The following AOAH variants were observed in gnomAD, a reference collection of about 807,000 sequenced individuals.
AOAH encodes acyloxyacyl hydrolase (neutrophil).
Under a neutral mutation model 92.2 loss-of-function variants are expected in AOAH, and 64 were observed. The observed-to-expected ratio is 0.69, with a 90% confidence interval of 0.57 to 0.86. AOAH has a LOEUF of 0.86. Among genes scored for constraint, AOAH ranks in the 40% least tolerant of loss-of-function variants. The pLI, the probability that AOAH is intolerant of heterozygous loss-of-function variation, is 0.00. For synonymous variants in AOAH, 263 were observed against 254.5 expected (o/e 1.03, Z -0.32); for missense variants, 656 against 694.6 (o/e 0.94, Z 0.62).
chr7:36,714,419 T>C (rs1798987644), intron 1 of AOAH, among the ~76,000 whole-genome samples: 1 of 152,216 alleles, frequency 6.6e-6, no homozygotes, highest in African/African-American at 2.4e-5. Flanking sequence ...CTAGTACCAT[T>C]CCTTCTGAAA....
chr7:36,690,955 C>A (rs1797360713), intron 1 of AOAH, among the ~76,000 whole-genome samples: 1 of 152,254 alleles, frequency 6.6e-6, no homozygotes, highest in South Asian at 2.1e-4. Context: ...TCTGTGCTGG[C>A]TGGAAATACA....
intron 12 of AOAH, among the ~76,000 whole-genome samples, chr7:36,593,840 A>G (rs1789916307): frequency 6.6e-6 from 1 of 152,158 alleles, no homozygotes; most frequent in Admixed American, 6.5e-5. Flanking sequence ...TGTCCCTGCC[A>G]AGTGTGGGCC....
chr7:36,523,767 T>C (rs978681547), intron 19 of AOAH, among the ~76,000 whole-genome samples: 1 of 151,468 alleles, frequency 6.6e-6, no homozygotes, highest in Non-Finnish European at 1.5e-5. Flanking sequence ...CTGGCTGCGA[T>C]GCTGGCCCTG....
intron 4 of AOAH, among the ~76,000 whole-genome samples, chr7:36,643,535 C>T (rs1363125514): frequency 6.6e-6 from 1 of 152,104 alleles, no homozygotes. Context: ...ATGGTGGCAG[C>T]TATATGAGTG....
chr7:36,669,767 A>AT (rs1415123187), intron 3 of AOAH, among the ~76,000 whole-genome samples: 1 of 152,100 alleles, frequency 6.6e-6, no homozygotes, highest in African/African-American at 2.4e-5. Flanking sequence ...TCTGTTTTGC[A>AT]TTTTTTTCTT....
At chr7:36,544,822 G>A (rs746658404) in intron 15 of AOAH, among the ~76,000 whole-genome samples, 5 of 152,164 alleles carry the variant, frequency 3.3e-5, no homozygotes, top group Non-Finnish European at 5.9e-5. Context: ...GCTGGTGCTA[G>A]AGAGAGGTGT....
At chr7:36,671,515 T>C (rs1237453161) in intron 3 of AOAH, among the ~76,000 whole-genome samples, 1 of 152,218 alleles carries the variant, frequency 6.6e-6, no homozygotes, top group Non-Finnish European at 1.5e-5. Flanking sequence ...GTAAATGCCA[T>C]GCTACGGGCT....
chr7:36,590,690 C>T (rs578169711), intron 12 of AOAH, among the ~76,000 whole-genome samples: 5 of 152,324 alleles, frequency 3.3e-5, no homozygotes, highest in Admixed American at 3.3e-4. Context: ...GAAGCGCATT[C>T]TGGAGATCCA....
At chr7:36,611,199 A>G (rs938046279) in intron 11 of AOAH, among the ~76,000 whole-genome samples, 3 of 152,160 alleles carry the variant, frequency 2.0e-5, no homozygotes, top group Non-Finnish European at 4.4e-5. Context: ...GAGAGATTTT[A>G]ATAACCCCGG....
chr7:36,616,379 C>T lies in AOAH; in HGVS notation c.846+1G>A, dbSNP rs758905059. The T allele has an allele frequency of 5.0e-6, 8 of 1,612,712 alleles. No individual in the cohort carries two copies. The African/African-American group carries it at 6.7e-5, about 13-fold the overall frequency. On this transcript the variant is annotated splice_donor_variant, in intron 11 of 20. Coordinates refer to ENST00000617537, the MANE Select transcript of AOAH (RefSeq NM_001637.4). LOFTEE classifies it high-confidence loss of function. ...GAATGATTACTGCCAAAATTACTTA[C>T]CAAAGACATCTGCGACGCTGTGATC...
chr7:36,561,630 A>C (rs1364953660), intron 13 of AOAH, among the ~76,000 whole-genome samples: 1 of 152,114 alleles, frequency 6.6e-6, no homozygotes, highest in African/African-American at 2.4e-5. Flanking sequence ...TCTTATTTTC[A>C]GTGAGATAAT....
chr7:36,576,440 A>G, intron 13 of AOAH, 134 bp downstream of exon 13: 1 of 572,076 alleles, frequency 1.7e-6, no homozygotes, highest in Non-Finnish European at 3.0e-6. Context: ...CAGAAAGGGC[A>G]ATGGCATTGG....
chr7:36,534,589 T>C (rs1274828320), intron 16 of AOAH, among the ~76,000 whole-genome samples: 2 of 152,254 alleles, frequency 1.3e-5, no homozygotes, highest in Non-Finnish European at 2.9e-5. Context: ...GTTCTTACAC[T>C]TTCTGCTTTA....
chr7:36,599,805 G>A (rs1790414217), intron 11 of AOAH: 1 of 152,464 alleles, frequency 6.6e-6, no homozygotes, highest in African/African-American at 2.4e-5. Context: ...CTGTCCTGCA[G>A]TGGCGCTTGC....
At chr7:36,540,688 G>A (rs563914812) in intron 15 of AOAH, among the ~76,000 whole-genome samples, 197 bp from the exon 16 acceptor site, 11 of 152,312 alleles carry the variant, frequency 7.2e-5, no homozygotes, top group South Asian at 2.1e-4. Context: ...ACTCCCTTGC[G>A]GTTGAGTGGA....
intron 13 of AOAH, among the ~76,000 whole-genome samples, chr7:36,566,651 G>C (rs879272289): frequency 1.3e-5 from 2 of 152,108 alleles, no homozygotes; most frequent in Non-Finnish European, 2.9e-5. Context: ...CCTGAAGCTG[G>C]TGATTAGCAG....
intron 12 of AOAH, among the ~76,000 whole-genome samples, chr7:36,591,745 C>T (rs976081442): frequency 6.6e-6 from 1 of 152,138 alleles, no homozygotes; most frequent in African/African-American, 2.4e-5. Context: ...CTCTCATCCC[C>T]CAATAGAAAC....
At chr7:36,556,275 T>C (rs1786704890) in intron 13 of AOAH, among the ~76,000 whole-genome samples, 1 of 152,212 alleles carries the variant, frequency 6.6e-6, no homozygotes, top group Non-Finnish European at 1.5e-5. Flanking sequence ...TTGTTCAGTT[T>C]CCATGTAGTT....
At position 36,513,083 on chromosome 7, in the gene AOAH, C is replaced by T. The variant is rs754418020; in HGVS notation, c.*169G>A. The T allele has an allele frequency of 4.5e-6, 7 of 1,569,684 alleles. No homozygotes were observed. Among genetic ancestry groups the T allele is most frequent in the East Asian group, 4.7e-5 (2 of 42,862 alleles). On this transcript the variant is annotated 3_prime_UTR_variant, in exon 21 of 21. Coordinates refer to ENST00000617537, the MANE Select transcript of AOAH (RefSeq NM_001637.4). ...CTGATCCCGGGAGCACACAGCATTGCACAGTCGTCCAGATATGCTCTTCAT... is the reference window on the plus strand; with the variant it reads ...CTGATCCCGGGAGCACACAGCATTGTACAGTCGTCCAGATATGCTCTTCAT...
Sources: gnomAD v4.1 joint callset for allele counts (sites outside exome capture counted in the v4.1 genomes callset) on GRCh38, gnomAD v4.1.1 for gene constraint, MANE v1.5 for transcripts, NCBI Gene and HGNC (gene_info 2026-07-23, HGNC 2026-07-21) for gene names.